MACROD2: variants seen among roughly 807,000 people sequenced by gnomAD.
MACROD2 encodes ADP-ribose glycohydrolase MACROD2.
A neutral mutation model predicts 70.4 loss-of-function variants in MACROD2; 36 were observed. The ratio of observed to expected loss-of-function variants is 0.51; its 90% CI spans 0.39 to 0.68. The LOEUF (loss-of-function observed/expected upper bound fraction) is 0.68, where lower values mean the gene tolerates loss of function less well. Among genes scored for constraint, MACROD2 ranks in the 30% least tolerant of loss-of-function variants. The pLI is 0.00. For missense variants in MACROD2, 496 were observed against 538.4 expected, an observed-to-expected ratio of 0.92 and a Z score of 0.78; for synonymous variants, 172 against 178.8, an observed-to-expected ratio of 0.96 and a Z score of 0.30.
chr20:14,994,167 A>G (rs2074929942), intron 5 of MACROD2, among the ~76,000 whole-genome samples: 1 of 152,150 alleles, frequency 6.6e-6, no homozygotes, highest in Non-Finnish European at 1.5e-5. Flanking sequence ...ATGTACATAC[A>G]TACATATAAT....
rs186497030 is a variant in MACROD2 at position 15,677,852 on chromosome 20, A to T, written c.645+178005A>T. Among the ~76,000 whole-genome samples the T allele has an allele frequency of 1.9e-3, 294 of 152,232 alleles. 1 individual carries two copies. Among genetic ancestry groups the T allele is most frequent in the Non-Finnish European group, 3.0e-3 (202 of 67,996 alleles). On this transcript the variant is annotated intron_variant, in intron 8 of 17. Coordinates refer to ENST00000684519, the MANE Select transcript of MACROD2 (RefSeq NM_001351661.2). ...GGGAGGCCGAGGCAGGTGGATCATG[A>T]GGTCAAGAGATTGAGGCCATCCTGG...
chr20:14,524,883 G>T (rs1454139390), intron 4 of MACROD2, among the ~76,000 whole-genome samples: 2 of 152,076 alleles, frequency 1.3e-5, no homozygotes, highest in African/African-American at 4.8e-5. Context: ...TACTGTCTCT[G>T]TATTGCTTTC....
chr20:15,391,985 C>T (rs1407800909), intron 6 of MACROD2, among the ~76,000 whole-genome samples: 4 of 152,166 alleles, frequency 2.6e-5, no homozygotes, highest in African/African-American at 7.2e-5. Flanking sequence ...TACGCTAGGT[C>T]AAGGGTGCTT....
At chr20:15,505,426 A>G (rs1366323732) in intron 8 of MACROD2, among the ~76,000 whole-genome samples, 2 of 152,068 alleles carry the variant, frequency 1.3e-5, no homozygotes, top group African/African-American at 2.4e-5. Flanking sequence ...CTCTCCTCCT[A>G]CCATCAATTA....
chr20:14,389,172 G>C (rs926734657), intron 3 of MACROD2, among the ~76,000 whole-genome samples: 1 of 151,864 alleles, frequency 6.6e-6, no homozygotes, highest in African/African-American at 2.4e-5. Context: ...GAGCCACCGC[G>C]GCTGGCCATC....
At chr20:15,257,983 G>T (rs141312098) in intron 6 of MACROD2, among the ~76,000 whole-genome samples, 1,970 of 151,872 alleles carry the variant, frequency 0.013, 20 homozygotes, top group Non-Finnish European at 0.017. Flanking sequence ...CCTGACTTCT[G>T]TGTAGGCCTA....
At chr20:15,693,672 C>T (rs2050326321) in intron 8 of MACROD2, among the ~76,000 whole-genome samples, 1 of 152,152 alleles carries the variant, frequency 6.6e-6, no homozygotes, top group African/African-American at 2.4e-5. Flanking sequence ...TTCTTTCCTA[C>T]AGGTCATGTT....
chr20:14,944,657 A>G (rs2074415922), intron 5 of MACROD2, among the ~76,000 whole-genome samples: 1 of 152,130 alleles, frequency 6.6e-6, no homozygotes, highest in Non-Finnish European at 1.5e-5. Flanking sequence ...GGCAGAAGAG[A>G]AGTGGAGTCT....
At chr20:14,496,103 CCT>C (rs1277775989) in intron 4 of MACROD2, among the ~76,000 whole-genome samples, 1 of 152,084 alleles carries the variant, frequency 6.6e-6, no homozygotes, top group African/African-American at 2.4e-5. Flanking sequence ...TCTTTTTAAT[CCT>C]CTCAGTGATA....
chr20:14,337,578 G>T, intron 3 of MACROD2: 1 of 398,568 alleles, frequency 2.5e-6, no homozygotes, highest in Non-Finnish European at 4.4e-6. Context: ...CTACACTGAG[G>T]AGTGAGCGAG....
intron 8 of MACROD2, among the ~76,000 whole-genome samples, chr20:15,710,399 G>A (rs1235750109): frequency 6.6e-6 from 1 of 152,006 alleles, no homozygotes; most frequent in African/African-American, 2.4e-5. Flanking sequence ...TACTCCCAAA[G>A]CCATATATAA....
At chr20:14,469,524 C>T (rs1046766203) in intron 3 of MACROD2, among the ~76,000 whole-genome samples, 4 of 151,990 alleles carry the variant, frequency 2.6e-5, no homozygotes, top group Non-Finnish European at 4.4e-5. Flanking sequence ...GAGTGTTTTC[C>T]AACTGGGTTC....
intron 5 of MACROD2, among the ~76,000 whole-genome samples, chr20:14,878,108 A>G (rs1200209695): frequency 1.3e-5 from 2 of 152,172 alleles, no homozygotes; most frequent in Non-Finnish European, 2.9e-5. Flanking sequence ...TCTTTCATTC[A>G]TCAAAGAGAA....
In MACROD2 at chr20:14,198,276, A is replaced by G. The variant is rs111768113; in HGVS notation, c.271+112548A>G. Reference sequence around the variant, plus strand: ...GGAGATGCTGGTAATTTGATATCTAATAGTTTACTGACTTTTCTCTTTGTA... The same window carrying G: ...GGAGATGCTGGTAATTTGATATCTAGTAGTTTACTGACTTTTCTCTTTGTA... On this transcript the variant is annotated intron_variant, in intron 3 of 17. Coordinates refer to ENST00000684519, the MANE Select transcript of MACROD2 (RefSeq NM_001351661.2). Among the ~76,000 whole-genome samples the G allele has an allele frequency of 4.2e-3, 645 of 152,300 alleles. 9 individuals are homozygous for G. Among genetic ancestry groups the G allele is most frequent in the African/African-American group, 0.015 (610 of 41,564 alleles).
intron 6 of MACROD2, among the ~76,000 whole-genome samples, chr20:15,260,385 A>G (rs1350710612): frequency 1.3e-5 from 2 of 151,012 alleles, no homozygotes; most frequent in Admixed American, 6.6e-5. Flanking sequence ...AGACCATGCA[A>G]TGTTTTTCTT....
At chr20:14,304,769 T>G (rs1011226044) in intron 3 of MACROD2, among the ~76,000 whole-genome samples, 1 of 32,950 alleles carries the variant, frequency 3.0e-5, no homozygotes, top group Non-Finnish European at 5.1e-5. Flanking sequence ...TTGTCTTTTT[T>G]ATGTTTTTTT....
chr20:14,245,241 T>C (rs1427351265), intron 3 of MACROD2, among the ~76,000 whole-genome samples: 2 of 151,838 alleles, frequency 1.3e-5, no homozygotes, highest in Admixed American at 1.3e-4. Flanking sequence ...CGGGCACCTG[T>C]AGTCCCAGCT....
intron 8 of MACROD2, among the ~76,000 whole-genome samples, chr20:15,715,241 G>T (rs145999294): frequency 8.1e-4 from 123 of 152,032 alleles, no homozygotes; most frequent in East Asian, 3.7e-3. Flanking sequence ...AAAAAATCTG[G>T]CTGCAATTCT....
intron 3 of MACROD2, chr20:14,127,550 A>T (rs1014429817): frequency 6.2e-6 from 3 of 483,732 alleles, no homozygotes; most frequent in Admixed American, 3.2e-5. Flanking sequence ...TTTTGCAGGC[A>T]ATTTTGAGGG....
Sources: allele counts gnomAD v4.1 joint callset (sites outside exome capture counted in the v4.1 genomes callset), GRCh38; gene constraint gnomAD v4.1.1; transcripts MANE v1.5; gene names NCBI Gene and HGNC (gene_info 2026-07-23, HGNC 2026-07-21).